The following DDX5 variants were observed in gnomAD, a reference collection of about 807,000 sequenced individuals.
DDX5 encodes the protein DEAD-box helicase 5.
Under a neutral mutation model 68.6 loss-of-function variants are expected in DDX5, and 6 were observed. The ratio of observed to expected loss-of-function variants is 0.09; its 90% CI spans 0.05 to 0.17. DDX5 has a LOEUF of 0.17. DDX5 is among the 10% of genes least tolerant of loss of function. The pLI, the probability that DDX5 is intolerant of heterozygous loss-of-function variation, is 1.00. For synonymous variants in DDX5, 350 were observed against 247.0 expected (o/e 1.42, Z -3.91); for missense variants, 499 against 756.1 (o/e 0.66, Z 3.99).
At position 64,506,196 on chromosome 17, in the gene DDX5, G is replaced by A. The variant is rs1308292488; in HGVS notation, c.-77C>T. On this transcript the variant is annotated 5_prime_UTR_variant, in exon 1 of 13. Transcript: ENST00000225792. Reference sequence around the variant, plus strand: ...ACAAGTCGCTGGAAATGGCCTCGATGACGGCGAAGCCTTGCGGGGGCGGCA... The same window carrying A: ...ACAAGTCGCTGGAAATGGCCTCGATAACGGCGAAGCCTTGCGGGGGCGGCA... 20 of 1,574,712 alleles carry A rather than the reference G, an allele frequency of 1.3e-5. No individual in the cohort carries two copies. The highest frequency in any genetic ancestry group is 7.5e-5 in the Admixed American group (4 of 53,348).
At chr17:64,506,379 CCGCCCCT>C (rs2038525045), upstream of DDX5, 2 of 1,412,792 alleles carry the variant, frequency 1.4e-6, no homozygotes, top group African/African-American at 2.9e-5. Flanking sequence ...CCTAATCGCC[CCGCCCCT>C]CGCGCATAGG....
At position 64,498,708 on chromosome 17, in the gene DDX5, A is replaced by AC. The variant is rs2038217260; in HGVS notation, c.*1214dup. ...AAGACCTCTCTTCTGGCAAAAAAAA[A>AC]CACGTATCAGACTCTGGGAAAACAT... is the stretch of plus-strand genomic sequence containing the variant. On this transcript the variant is annotated 3_prime_UTR_variant, in exon 13 of 13. Coordinates refer to ENST00000225792, the MANE Select transcript of DDX5 (RefSeq NM_004396.5). 1.3e-5 allele frequency among the ~76,000 whole-genome samples: 2 copies of AC among 152,166 alleles called. No individual in the cohort carries two copies. Among genetic ancestry groups the AC allele is most frequent in the African/African-American group, 2.4e-5 (1 of 41,416 alleles).
rs1324554404 is a variant in DDX5, at chr17:64,499,289, CT to C, written c.*633del. Reference sequence around the variant, plus strand: ...TCACACTATATAGATGACTTTGTATCTATTTTACTATTTTCTCATTTAACCA... The same window carrying C: ...TCACACTATATAGATGACTTTGTATCATTTTACTATTTTCTCATTTAACCA... On this transcript the variant is annotated 3_prime_UTR_variant, in exon 13 of 13. Coordinates refer to ENST00000225792, the MANE Select transcript of DDX5 (RefSeq NM_004396.5). Among the ~76,000 whole-genome samples, 2 of 152,084 alleles carry C rather than the reference CT, an allele frequency of 1.3e-5. No homozygotes were observed. Among genetic ancestry groups the C allele is most frequent in the Non-Finnish European group, 2.9e-5 (2 of 68,026 alleles).
chr17:64,501,889 C>T, intron 11 of DDX5, 121 bp downstream of exon 11: 1 of 998,902 alleles, frequency 1.0e-6, no homozygotes, highest in South Asian at 1.5e-5. Flanking sequence ...ACAAAGACAG[C>T]ACCTTTATGT....
chr17:64,506,020 A>AGGGGCC, intron 1 of DDX5, 56 bp downstream of exon 1: 2 of 868,056 alleles, frequency 2.3e-6, no homozygotes, highest in African/African-American at 1.7e-5. Flanking sequence ...CGCCACCCTG[A>AGGGGCC]CCCGCCCTCC....
At chr17:64,502,597 T>C (rs2038325688) in intron 8 of DDX5, 48 bp from the exon 9 acceptor site, 9 of 1,335,234 alleles carry the variant, frequency 6.7e-6, no homozygotes, top group South Asian at 4.7e-5. Flanking sequence ...TAAAAGACCA[T>C]TGCTAGGGCC....
At chr17:64,503,689 G>A (rs1424664575) in intron 5 of DDX5, 114 bp downstream of exon 5, 4 of 1,527,264 alleles carry the variant, frequency 2.6e-6, no homozygotes, top group Non-Finnish European at 3.6e-6. Context: ...AGCTCCAGCT[G>A]AATAGGGTGA....
intron 2 of DDX5, 146 bp downstream of exon 2, chr17:64,504,530 CA>C (rs1195092285): frequency 1.8e-6 from 2 of 1,098,248 alleles, no homozygotes; most frequent in East Asian, 5.1e-5. Context: ...CACCTATATC[CA>C]AAAGTGAGTC....
chr17:64,502,557 TAGGA>T lies in DDX5; in HGVS notation c.984-12_984-9del. On this transcript the variant is annotated splice_polypyrimidine_tract_variant and intron_variant, in intron 8 of 12. Transcript: ENST00000225792. ...TCCATTAGACGAATAAGTCTAATAATAGGAGAGAGAAAGGAAAAATCCTGAGTTT... is the reference window on the plus strand; with the variant it reads ...TCCATTAGACGAATAAGTCTAATAATGAGAGAAAGGAAAAATCCTGAGTTT... 4 of 1,581,014 alleles carry T rather than the reference TAGGA, an allele frequency of 2.5e-6. No homozygotes were observed. Among genetic ancestry groups the T allele is most frequent in the Non-Finnish European group, 3.5e-6 (4 of 1,152,190 alleles).
Position 64,499,755 on chromosome 17 carries a change from G to A in DDX5, c.*168C>T. 1 of 561,988 alleles carries A rather than the reference G, an allele frequency of 1.8e-6. No individual in the cohort carries two copies. Among genetic ancestry groups the A allele is most frequent in the Non-Finnish European group, 2.8e-6 (1 of 352,888 alleles). 34.8% of individuals were successfully genotyped at this position (561,988 alleles called of 1,614,324 possible). On this transcript the variant is annotated 3_prime_UTR_variant, in exon 13 of 13. Coordinates refer to ENST00000225792, the MANE Select transcript of DDX5 (RefSeq NM_004396.5). Reference sequence around the variant, plus strand: ...AAAAAAAACCTAAAAATTGTTTCAGGAATGTAGAGAAATATCCAACTTAAA... The same window carrying A: ...AAAAAAAACCTAAAAATTGTTTCAGAAATGTAGAGAAATATCCAACTTAAA...
At position 64,498,501 on chromosome 17, in the gene DDX5, G is replaced by A. The variant is rs1311183815; in HGVS notation, c.*1422C>T. 1.3e-5 allele frequency among the ~76,000 whole-genome samples: 2 copies of A among 152,146 alleles called. No homozygotes were observed. The highest frequency in any genetic ancestry group is 2.4e-5 in the African/African-American group (1 of 41,428). On this transcript the variant is annotated 3_prime_UTR_variant, in exon 13 of 13. Transcript: ENST00000225792. ...CTTCTAAGTTTAAAACCATGAATTT[G>A]ACTAACCATGCCATTGAAAACCATC...
Position 64,503,916 on chromosome 17 carries a change from C to T in DDX5, c.442-48G>A, listed in dbSNP as rs374858998. 202 of 1,612,612 alleles carry T rather than the reference C, an allele frequency of 1.3e-4. No homozygotes were observed. In the African/African-American group the frequency reaches 1.5e-3, roughly 12 times the overall value. ...CAAACAGAAATCACATTAAAATACT[C>T]GTTTTTAAATTACCATTACATTTTC... is the stretch of plus-strand genomic sequence containing the variant. On this transcript the variant is annotated intron_variant, in intron 4 of 12. Transcript: ENST00000225792.
At position 64,499,752 on chromosome 17, in the gene DDX5, C is replaced by G. The variant is rs2038248433; in HGVS notation, c.*171G>C. 1.8e-6 allele frequency: 1 copy of G among 552,430 alleles called. No individual in the cohort carries two copies. The highest frequency in any genetic ancestry group is 5.2e-5 in the South Asian group (1 of 19,128). 34.2% of individuals were successfully genotyped at this position (552,430 alleles called of 1,614,324 possible). ...TACAAAAAAAACCTAAAAATTGTTT[C>G]AGGAATGTAGAGAAATATCCAACTT... On this transcript the variant is annotated 3_prime_UTR_variant, in exon 13 of 13. Transcript: ENST00000225792.
intron 8 of DDX5, 163 bp from the exon 9 acceptor site, chr17:64,502,712 A>T (rs1383098063): frequency 2.8e-6 from 2 of 716,012 alleles, no homozygotes; most frequent in Non-Finnish European, 4.5e-6. Flanking sequence ...CTTGGTCCTT[A>T]AGTCAACCAG....
rs2038236974 is a variant in DDX5 at position 64,499,374 on chromosome 17, AG to A, written c.*548del. The stretch of plus-strand genomic sequence containing the variant: ...CTCCCCTGATGCTGGAAGCTGACAA[AG>A]CTTTTATGCAATTTAGCCTGTAACT... On this transcript the variant is annotated 3_prime_UTR_variant, in exon 13 of 13. Transcript: ENST00000225792. 6.6e-6 allele frequency among the ~76,000 whole-genome samples: 1 copy of A among 152,192 alleles called. No individual in the cohort carries two copies. The highest frequency in any genetic ancestry group is 1.5e-5 in the Non-Finnish European group (1 of 68,024).
upstream of DDX5, chr17:64,506,564 G>T: frequency 4.8e-6 from 2 of 420,424 alleles, no homozygotes; most frequent in Admixed American, 4.1e-5. Flanking sequence ...CCTTTCCCAA[G>T]CCCAGCCCCG....
chr17:64,502,290 C>CT, intron 9 of DDX5, 67 bp from the exon 10 acceptor site: 1 of 1,549,710 alleles, frequency 6.5e-7, no homozygotes, highest in Non-Finnish European at 8.9e-7. Context: ...TGCTTGACCA[C>CT]TTTTGGTCAC....
Position 64,499,411 on chromosome 17 carries a change from C to A in DDX5, c.*512G>T, listed in dbSNP as rs2038237523. 6.6e-6 allele frequency among the ~76,000 whole-genome samples: 1 copy of A among 151,966 alleles called. No homozygotes were observed. Among genetic ancestry groups the A allele is most frequent in the South Asian group, 2.1e-4 (1 of 4,822 alleles). The stretch of plus-strand genomic sequence containing the variant: ...ATTTAGCCTGTAACTAAAAATTCAC[C>A]TGTATCAATTCATTCTGACTCCTGC... On this transcript the variant is annotated 3_prime_UTR_variant, in exon 13 of 13. Transcript: ENST00000225792.
At position 64,503,840 on chromosome 17, in the gene DDX5, T is replaced by C. The variant is rs1449304449; in HGVS notation, c.470A>G (p.Asn157Ser). 11 of 1,614,116 alleles carry C rather than the reference T, an allele frequency of 6.8e-6. No individual in the cohort carries two copies. The East Asian group carries it at 8.9e-5, about 13-fold the overall frequency. ...SYLLPAIVHINHQPFLERGDG... is the reference protein window; with the variant it reads ...SYLLPAIVHISHQPFLERGDG... The stretch of plus-strand genomic sequence containing the variant: ...GCCTCTCTCTAGGAATGGCTGATGA[T>C]TGATGTGGACAATGGCAGGAAGCAA... The change falls in exon 5 of 13, where the codon AAT becomes AGT. Residue 157 changes from asparagine (N) to serine (S), a missense_variant. Asn to Ser is a conservative substitution (Grantham distance 46, BLOSUM62 1). This residue lies in a region of DDX5 where 141 missense variants were observed against 279.8 expected (regional missense o/e 0.50). Transcript: ENST00000225792.
Sources: allele counts gnomAD v4.1 joint callset (sites outside exome capture counted in the v4.1 genomes callset), GRCh38; gene constraint gnomAD v4.1.1; regional missense constraint gnomAD v4.1.1; transcripts MANE v1.5; gene names NCBI Gene and HGNC (gene_info 2026-07-23, HGNC 2026-07-21).